R3HDM1: variants seen among roughly 807,000 people sequenced by gnomAD.
R3HDM1 encodes R3H domain-containing protein 1.
In R3HDM1, 46 loss-of-function variants were observed where a neutral mutation model predicts 141.1. The observed-to-expected ratio is 0.33, with a 90% confidence interval of 0.26 to 0.42. R3HDM1 has a LOEUF of 0.42. Ranked by LOEUF, R3HDM1 falls within the 10% of genes least tolerant of loss-of-function variation. The probability of loss-of-function intolerance (pLI) is 1.00; values close to 1 mark genes in which losing one functional copy is unlikely to be tolerated. For synonymous variants in R3HDM1, 435 were observed against 472.9 expected (o/e 0.92, Z 1.04); for missense variants, 1,184 against 1,368.3 (o/e 0.87, Z 2.12).
At chr2:135,594,321 C>G (rs1223312736) in intron 1 of R3HDM1, among the ~76,000 whole-genome samples, 1 of 152,120 alleles carries the variant, frequency 6.6e-6, no homozygotes, top group East Asian at 1.9e-4. Flanking sequence ...CTATACCATA[C>G]AGTGATAAAA....
chr2:135,552,146 T>A (rs1699948030), intron 1 of R3HDM1, among the ~76,000 whole-genome samples: 1 of 152,228 alleles, frequency 6.6e-6, no homozygotes, highest in Non-Finnish European at 1.5e-5. Context: ...AAAGCATACC[T>A]ACATCTCTTT....
intron 21 of R3HDM1, among the ~76,000 whole-genome samples, chr2:135,695,460 G>GA (rs943961428): frequency 2.6e-5 from 4 of 151,650 alleles, no homozygotes; most frequent in African/African-American, 7.3e-5. Context: ...AGAGAAAAGG[G>GA]AAAAAAAATA....
chr2:135,583,388 G>A (rs1707227457), intron 1 of R3HDM1, among the ~76,000 whole-genome samples: 1 of 152,102 alleles, frequency 6.6e-6, no homozygotes, highest in Non-Finnish European at 1.5e-5. Context: ...ATTATATCAG[G>A]AGGCATGAAA....
chr2:135,679,661 A>T (rs2069882009), intron 20 of R3HDM1, among the ~76,000 whole-genome samples: 1 of 152,232 alleles, frequency 6.6e-6, no homozygotes, highest in Non-Finnish European at 1.5e-5. Context: ...ATCAGCCTAC[A>T]GTACATACAT....
intron 18 of R3HDM1, among the ~76,000 whole-genome samples, chr2:135,657,886 C>A (rs1044999889): frequency 6.6e-6 from 1 of 152,174 alleles, no homozygotes; most frequent in Non-Finnish European, 1.5e-5. Context: ...TATGGTCATG[C>A]ATCATTTAAT....
At chr2:135,533,621 G>A (rs1695415794) in intron 1 of R3HDM1, among the ~76,000 whole-genome samples, 1 of 152,258 alleles carries the variant, frequency 6.6e-6, no homozygotes. Flanking sequence ...TGGCGCACCT[G>A]TAATCCCAGC....
intron 1 of R3HDM1, among the ~76,000 whole-genome samples, chr2:135,577,648 A>T (rs991768391): frequency 2.0e-5 from 3 of 151,602 alleles, no homozygotes; most frequent in Admixed American, 1.3e-4. Context: ...GACCAGCCTG[A>T]CCAACATGGA....
chr2:135,573,530 CTT>C (rs564163824), intron 1 of R3HDM1, among the ~76,000 whole-genome samples: 1 of 137,940 alleles, frequency 7.2e-6, no homozygotes. Flanking sequence ...TCTGAAAATT[CTT>C]TTTTTTTTTT....
intron 1 of R3HDM1, among the ~76,000 whole-genome samples, chr2:135,598,730 T>C (rs570742923): frequency 7.2e-4 from 110 of 152,300 alleles, no homozygotes; most frequent in African/African-American, 2.5e-3. Context: ...ATGAAAAATA[T>C]TACCACAGGG....
chr2:135,568,073 T>A (rs553976213), intron 1 of R3HDM1, among the ~76,000 whole-genome samples: 13 of 148,642 alleles, frequency 8.7e-5, no homozygotes, highest in Admixed American at 4.7e-4. Context: ...TTTTTTTGTT[T>A]GAGACAGGGT....
At chr2:135,650,337 T>C in intron 17 of R3HDM1, 1 of 985,284 alleles carries the variant, frequency 1.0e-6, no homozygotes, top group Non-Finnish European at 1.2e-6. Flanking sequence ...AGCTTTCATC[T>C]GGGTTTAGGC....
chr2:135,593,198 G>C (rs1709746366), intron 1 of R3HDM1, among the ~76,000 whole-genome samples: 1 of 152,032 alleles, frequency 6.6e-6, no homozygotes, highest in Non-Finnish European at 1.5e-5. Flanking sequence ...GGGATTACAG[G>C]CACGAGCCAC....
At chr2:135,650,425 A>G (rs1156730331) in intron 17 of R3HDM1, 2 of 984,090 alleles carry the variant, frequency 2.0e-6, no homozygotes, top group African/African-American at 1.7e-5. Context: ...TTACAGCTAC[A>G]GAGGACTTCT....
At chr2:135,634,542 G>T (rs973176299) in intron 9 of R3HDM1, among the ~76,000 whole-genome samples, 3 of 152,264 alleles carry the variant, frequency 2.0e-5, no homozygotes, top group Non-Finnish European at 4.4e-5. Context: ...TACTCAGAAG[G>T]CTGAGACAGG....
intron 3 of R3HDM1, chr2:135,607,810 T>G: frequency 1.0e-6 from 1 of 970,352 alleles, no homozygotes; most frequent in Non-Finnish European, 1.2e-6. Flanking sequence ...TATAAGAAAA[T>G]TTCCCACATT....
chr2:135,704,435 A>G (rs2074620098), intron 21 of R3HDM1, among the ~76,000 whole-genome samples: 1 of 152,058 alleles, frequency 6.6e-6, no homozygotes, highest in Admixed American at 6.6e-5. Context: ...GTTTTCAAAA[A>G]GCATTTTAAA....
chr2:135,643,912 GA>G (rs1559327807), intron 15 of R3HDM1, among the ~76,000 whole-genome samples: 2 of 152,190 alleles, frequency 1.3e-5, no homozygotes, highest in Admixed American at 6.5e-5. Flanking sequence ...GCTAAATGCT[GA>G]GAACATGTGA....
chr2:135,632,885 A>C (rs1485542537), intron 9 of R3HDM1, among the ~76,000 whole-genome samples: 1 of 152,156 alleles, frequency 6.6e-6, no homozygotes, highest in South Asian at 2.1e-4. Flanking sequence ...CCAGGTTCTT[A>C]TCTATGAATG....
At chr2:135,701,864 A>G (rs1017655099) in intron 21 of R3HDM1, among the ~76,000 whole-genome samples, 1 of 152,208 alleles carries the variant, frequency 6.6e-6, no homozygotes, top group Admixed American at 6.5e-5. Context: ...AGGGGTGACT[A>G]CTGTGTGCAC....
Sources: gnomAD v4.1 joint callset for allele counts (sites outside exome capture counted in the v4.1 genomes callset) on GRCh38, gnomAD v4.1.1 for gene constraint, MANE v1.5 for transcripts, NCBI Gene and HGNC (gene_info 2026-07-23, HGNC 2026-07-21) for gene names.